Variants in RBL1 observed in about 807,000 individuals in gnomAD.
RBL1 encodes the protein retinoblastoma-like protein 1.
Under a neutral mutation model 123.0 loss-of-function variants are expected in RBL1, and 82 were observed. The ratio of observed to expected loss-of-function variants is 0.67; its 90% CI spans 0.56 to 0.80. The LOEUF is 0.80. Among genes scored for constraint, RBL1 ranks in the 30% least tolerant of loss-of-function variants. The pLI is 0.00. For missense variants in RBL1, 1,171 were observed against 1,299.6 expected, an observed-to-expected ratio of 0.90 and a Z score of 1.52; for synonymous variants, 405 against 441.3, an observed-to-expected ratio of 0.92 and a Z score of 1.03.
Position 37,027,616 on chromosome 20 carries a change from C to G in RBL1, c.2383-4790G>C, listed in dbSNP as rs990425385. On this transcript the variant is annotated intron_variant, in intron 16 of 21. Transcript: ENST00000373664. ...AGAAGCTGATGATTCAAAATGTGCT[C>G]GTAAGAGATAGGACAAATTCAAGTT... 5.3e-5 allele frequency among the ~76,000 whole-genome samples: 8 copies of G among 152,232 alleles called. No homozygotes were observed. The East Asian group carries it at 1.4e-3, about 26-fold the overall frequency.
intron 2 of RBL1, among the ~76,000 whole-genome samples, chr20:37,083,200 G>A (rs1568891047): frequency 6.6e-6 from 1 of 152,112 alleles, no homozygotes; most frequent in African/African-American, 2.4e-5. Flanking sequence ...GGGCGCGGTG[G>A]CTCATGCCTG....
chr20:37,037,154 TTATA>T (rs960638481), intron 14 of RBL1, among the ~76,000 whole-genome samples: 1 of 152,212 alleles, frequency 6.6e-6, no homozygotes, highest in Admixed American at 6.5e-5. Context: ...TGTGAATGCC[TTATA>T]TCTAAGAAAT....
intron 12 of RBL1, among the ~76,000 whole-genome samples, chr20:37,045,081 C>CTTACTTACTTAT (rs1555857366): frequency 2.3e-3 from 333 of 146,228 alleles, no homozygotes; most frequent in Middle Eastern, 7.6e-3. Flanking sequence ...CATTTATTTA[C>CTTACTTACTTAT]TTATTTATTT....
At chr20:37,025,444 C>T (rs767288839) in intron 16 of RBL1, among the ~76,000 whole-genome samples, 22 of 151,864 alleles carry the variant, frequency 1.4e-4, no homozygotes, top group Non-Finnish European at 2.4e-4. Flanking sequence ...CGCTTGAGCC[C>T]GGGAGGTTGA....
At chr20:37,005,413 A>G (rs1234983543) in intron 20 of RBL1, among the ~76,000 whole-genome samples, 2 of 152,026 alleles carry the variant, frequency 1.3e-5, no homozygotes, top group Non-Finnish European at 2.9e-5. Context: ...TCTCAAAAAA[A>G]AAAAAAAAAA....
At chr20:37,064,398 A>T (rs1402227602) in intron 7 of RBL1, among the ~76,000 whole-genome samples, 2 of 151,986 alleles carry the variant, frequency 1.3e-5, no homozygotes, top group African/African-American at 4.8e-5. Context: ...GGCCTCCGAA[A>T]GTGCTGGGAT....
At chr20:37,090,603 A>G (rs757445591) in intron 1 of RBL1, among the ~76,000 whole-genome samples, 1 of 152,226 alleles carries the variant, frequency 6.6e-6, no homozygotes, top group Non-Finnish European at 1.5e-5. Flanking sequence ...TTACCCCAAA[A>G]CATGTCATCT....
At chr20:37,012,582 T>G (rs1479974581) in intron 19 of RBL1, among the ~76,000 whole-genome samples, 2 of 148,496 alleles carry the variant, frequency 1.3e-5, no homozygotes, top group Non-Finnish European at 3.0e-5. Flanking sequence ...GAGGAGCGTC[T>G]CTGCCCAGCC....
intron 2 of RBL1, among the ~76,000 whole-genome samples, chr20:37,069,092 G>A (rs1486280976): frequency 6.6e-6 from 1 of 152,250 alleles, no homozygotes; most frequent in Non-Finnish European, 1.5e-5. Flanking sequence ...CGCCAGCCTC[G>A]GCCTCCCGAG....
chr20:37,010,762 G>A lies in RBL1; in HGVS notation c.2723-3203C>T, dbSNP rs6130320. Among the ~76,000 whole-genome samples, 33 of 120,048 alleles carry A rather than the reference G, an allele frequency of 2.7e-4. No homozygotes were observed. The East Asian group carries it at 5.2e-3, about 19-fold the overall frequency. 78.8% of individuals were successfully genotyped at this position (120,048 alleles called of 152,430 possible). A position where few individuals can be genotyped will look rare whatever the true frequency, so the allele number is the denominator to read the frequency against. On this transcript the variant is annotated intron_variant, in intron 19 of 21. Coordinates refer to ENST00000373664, the MANE Select transcript of RBL1 (RefSeq NM_002895.5). Reference sequence around the variant, plus strand: ...ACATCATTATATGGCACATGACTATGTGTGTGTGTGTGTGTGTGTGTGTGT... The same window carrying A: ...ACATCATTATATGGCACATGACTATATGTGTGTGTGTGTGTGTGTGTGTGT...
chr20:37,010,329 A>G (rs979708685), intron 19 of RBL1, among the ~76,000 whole-genome samples: 1 of 152,222 alleles, frequency 6.6e-6, no homozygotes, highest in African/African-American at 2.4e-5. Context: ...AATAAATTTG[A>G]TATTGCTTAT....
At chr20:37,038,301 CTTTTT>C (rs890141235) in intron 14 of RBL1, among the ~76,000 whole-genome samples, 2 of 107,540 alleles carry the variant, frequency 1.9e-5, no homozygotes, top group African/African-American at 3.4e-5. Context: ...CTTATGCAAT[CTTTTT>C]TTTTTTTTTT....
intron 2 of RBL1, among the ~76,000 whole-genome samples, chr20:37,072,000 C>T (rs1352991620): frequency 6.6e-6 from 1 of 152,174 alleles, no homozygotes; most frequent in Non-Finnish European, 1.5e-5. Flanking sequence ...GGTATTCCTT[C>T]ATAGCAACGT....
chr20:37,032,801 C>T lies in RBL1; in HGVS notation c.2246G>A (p.Ser749Asn), dbSNP rs1218569151. The change falls in exon 16 of 22, where the codon AGT (serine) becomes AAT (asparagine). Residue 749 changes from serine (S) to asparagine (N), a missense_variant. Coordinates refer to ENST00000373664, the MANE Select transcript of RBL1 (RefSeq NM_002895.5). ...MNTNQESKVK[S>N]PVSLTAHSLI... ...TGAATGAGCAGTAAGTGATACAGGACTCTTGACTTTGGACTCCTGATTTGT... is the reference window on the plus strand; with the variant it reads ...TGAATGAGCAGTAAGTGATACAGGATTCTTGACTTTGGACTCCTGATTTGT... The T allele has an allele frequency of 2.5e-6, 4 of 1,614,030 alleles. No individual in the cohort carries two copies. The highest frequency in any genetic ancestry group is 3.4e-6 in the Non-Finnish European group (4 of 1,179,992).
In RBL1 at chr20:37,084,224, T is replaced by C. The variant is rs2065504298; in HGVS notation, c.290+4765A>G. Among the ~76,000 whole-genome samples, 7 of 152,270 alleles carry C rather than the reference T, an allele frequency of 4.6e-5. No homozygotes were observed. In the South Asian group the frequency reaches 1.4e-3, roughly 32 times the overall value. The stretch of plus-strand genomic sequence containing the variant: ...CAAAAAAGATACATCTTTTGACCCA[T>C]TTTTAGGAATCATACATATTTTTGG... On this transcript the variant is annotated intron_variant, in intron 2 of 21. Coordinates refer to ENST00000373664, the MANE Select transcript of RBL1 (RefSeq NM_002895.5).
chr20:37,049,118 A>T, intron 11 of RBL1: 1 of 210,578 alleles, frequency 4.7e-6, no homozygotes. Context: ...CAGGAGAATC[A>T]TTTGAACCCG....
At chr20:37,056,351 C>CTTTTTTT (rs199931898) in intron 9 of RBL1, 93 bp from the exon 10 acceptor site, 35 of 972,046 alleles carry the variant, frequency 3.6e-5, no homozygotes, top group African/African-American at 1.7e-4. Flanking sequence ...CCTTCTTCTT[C>CTTTTTTT]TTTTTTTTTT....
At chr20:37,084,602 A>G (rs1047947670) in intron 2 of RBL1, among the ~76,000 whole-genome samples, 4 of 152,098 alleles carry the variant, frequency 2.6e-5, no homozygotes, top group Admixed American at 2.6e-4. Context: ...GGGAGGCTGA[A>G]GTGAGGGATC....
intron 10 of RBL1, among the ~76,000 whole-genome samples, chr20:37,055,908 G>A (rs1045669102): frequency 1.3e-5 from 2 of 151,902 alleles, no homozygotes; most frequent in Non-Finnish European, 2.9e-5. Context: ...ATTAGCCGGT[G>A]TGGTGGTGGG....
Sources: allele counts gnomAD v4.1 joint callset (sites outside exome capture counted in the v4.1 genomes callset), GRCh38; gene constraint gnomAD v4.1.1; transcripts MANE v1.5; gene names NCBI Gene and HGNC (gene_info 2026-07-23, HGNC 2026-07-21).